Variants in ELP4 observed in about 807,000 individuals in gnomAD.
The protein encoded by ELP4 is elongator acetyltransferase complex subunit 4.
In ELP4, 51 loss-of-function variants were observed where a neutral mutation model predicts 48.9. The ratio of observed to expected loss-of-function variants is 1.04; its 90% CI spans 0.83 to 1.32. ELP4 has a LOEUF of 1.32. Among genes scored for constraint, ELP4 ranks in the 40% most tolerant of loss-of-function variants. The pLI is 0.00. For synonymous variants in ELP4, 210 were observed against 189.2 expected (o/e 1.11, Z -0.90); for missense variants, 519 against 514.6 (o/e 1.01, Z -0.08).
chr11:31,657,974 C>T (rs1478471426), intron 9 of ELP4, among the ~76,000 whole-genome samples: 1 of 151,948 alleles, frequency 6.6e-6, no homozygotes, highest in Non-Finnish European at 1.5e-5. Context: ...CTTCATTTTA[C>T]AAATGAGGAA....
intron 3 of ELP4, among the ~76,000 whole-genome samples, chr11:31,568,144 C>A (rs536599187): frequency 1.5e-4 from 23 of 152,174 alleles, no homozygotes; most frequent in Non-Finnish European, 3.2e-4. Context: ...AAATCAGTAG[C>A]ATTTCTATAC....
Position 31,533,368 on chromosome 11 carries a change from C to CTTTTTTTTTTTTTTTTTTT in ELP4, c.260-6285_260-6267dup, listed in dbSNP as rs71060492. ...GTGTTGCTGCAAAAGCCATCTCATT[C>CTTTTTTTTTTTTTTTTTTT]TTTTTTTTTTTTTTTTTTTTTTTTT... On this transcript the variant is annotated intron_variant, in intron 2 of 9. Coordinates refer to ENST00000640961, the MANE Select transcript of ELP4 (RefSeq NM_019040.5). Among the ~76,000 whole-genome samples the CTTTTTTTTTTTTTTTTTTT allele has an allele frequency of 5.5e-3, 277 of 50,486 alleles. 55 individuals are homozygous for CTTTTTTTTTTTTTTTTTTT. Among genetic ancestry groups the CTTTTTTTTTTTTTTTTTTT allele is most frequent in the Non-Finnish European group, 6.2e-3 (188 of 30,144 alleles). The allele number at this position is 50,486 out of a possible 152,430, so 33.1% of individuals were successfully genotyped here. A position where few individuals can be genotyped will look rare whatever the true frequency, so the allele number is the denominator to read the frequency against.
chr11:31,713,189 A>G (rs1638804363), intron 9 of ELP4, among the ~76,000 whole-genome samples: 2 of 152,252 alleles, frequency 1.3e-5, no homozygotes, highest in East Asian at 1.9e-4. Flanking sequence ...GAAATAATCA[A>G]TTTTCCGTAA....
chr11:31,739,056 G>A lies in ELP4; in HGVS notation c.1144-44337G>A, dbSNP rs139023026. Among the ~76,000 whole-genome samples, 857 of 152,128 alleles carry A rather than the reference G, an allele frequency of 5.6e-3. 10 individuals carry two copies. Among genetic ancestry groups the A allele is most frequent in the African/African-American group, 0.02 (826 of 41,510 alleles). ...GCACACCTAAAAAGTCATTAAGAGT[G>A]TAGATCTCATGTTATGTGTTTTTTA... On this transcript the variant is annotated intron_variant, in intron 9 of 9. Coordinates refer to ENST00000640961, the MANE Select transcript of ELP4 (RefSeq NM_019040.5).
Position 31,736,572 on chromosome 11 carries a change from A to G in ELP4, c.1144-46821A>G, listed in dbSNP as rs1042506234. On this transcript the variant is annotated intron_variant, in intron 9 of 9. Transcript: ENST00000640961. Reference sequence around the variant, plus strand: ...GAATGGGAGAAAATTTTTGCAACCTACTCATCTGACAAAGGGCTAATATAC... The same window carrying G: ...GAATGGGAGAAAATTTTTGCAACCTGCTCATCTGACAAAGGGCTAATATAC... Among the ~76,000 whole-genome samples the G allele has an allele frequency of 1.2e-4, 18 of 152,166 alleles. No individual in the cohort carries two copies. The South Asian group carries it at 1.9e-3, about 16-fold the overall frequency.
At chr11:31,637,077 A>G (rs908153968) in intron 7 of ELP4, among the ~76,000 whole-genome samples, 2 of 151,892 alleles carry the variant, frequency 1.3e-5, no homozygotes, top group Admixed American at 1.3e-4. Flanking sequence ...GTGTCATTAG[A>G]AGGAGCAGAA....
intron 9 of ELP4, chr11:31,654,549 T>A (rs1040032786): frequency 6.6e-6 from 1 of 151,830 alleles, no homozygotes; most frequent in African/African-American, 2.4e-5. Context: ...TAGAATAGAA[T>A]CAATATAAGT....
At chr11:31,581,527 C>T (rs904604330) in intron 3 of ELP4, among the ~76,000 whole-genome samples, 6 of 150,868 alleles carry the variant, frequency 4.0e-5, no homozygotes, top group Admixed American at 2.0e-4. Context: ...AGTTTGATGC[C>T]ATTCATGTTC....
intron 7 of ELP4, among the ~76,000 whole-genome samples, chr11:31,634,845 A>G (rs1156719497): frequency 3.3e-5 from 5 of 152,040 alleles, no homozygotes; most frequent in Admixed American, 6.6e-5. Context: ...ATAAAGTTAT[A>G]TAGTGTGACA....
At chr11:31,732,961 A>C (rs907944395) in intron 9 of ELP4, among the ~76,000 whole-genome samples, 2 of 152,204 alleles carry the variant, frequency 1.3e-5, no homozygotes, top group Admixed American at 6.5e-5. Context: ...ATGCAGCAAG[A>C]CAATAATAGT....
At chr11:31,751,820 C>A (rs1249058049) in intron 9 of ELP4, among the ~76,000 whole-genome samples, 2 of 152,146 alleles carry the variant, frequency 1.3e-5, no homozygotes, top group Non-Finnish European at 2.9e-5. Flanking sequence ...AGCTACTAAC[C>A]TAGAAGTCAT....
chr11:31,625,640 A>G (rs942017778), intron 5 of ELP4, among the ~76,000 whole-genome samples: 12 of 151,830 alleles, frequency 7.9e-5, no homozygotes, highest in Admixed American at 2.6e-4. Flanking sequence ...ATTAGAATGC[A>G]TTGGCTATAT....
chr11:31,561,598 C>T (rs1180689579), intron 3 of ELP4, among the ~76,000 whole-genome samples: 1 of 152,066 alleles, frequency 6.6e-6, no homozygotes, highest in Non-Finnish European at 1.5e-5. Context: ...CTCCCGCCGC[C>T]ACACCTGACT....
chr11:31,771,808 T>C (rs796120248), intron 9 of ELP4, among the ~76,000 whole-genome samples: 2 of 152,160 alleles, frequency 1.3e-5, no homozygotes, highest in African/African-American at 4.8e-5. Flanking sequence ...TGAAACCCTG[T>C]ATCTACTAAA....
chr11:31,533,368 C>CTTTTTTTTTTTTT (rs71060492), intron 2 of ELP4, among the ~76,000 whole-genome samples: 715 of 50,486 alleles, frequency 0.014, 149 homozygotes, highest in Non-Finnish European at 0.016. Flanking sequence ...CCATCTCATT[C>CTTTTTTTTTTTTT]TTTTTTTTTT....
At chr11:31,650,852 T>C (rs1945304431) in intron 9 of ELP4, 1 of 151,796 alleles carries the variant, frequency 6.6e-6, no homozygotes, top group Non-Finnish European at 1.5e-5. Flanking sequence ...TATTTATTAA[T>C]GAAGTAAATG....
At chr11:31,595,026 G>A in intron 4 of ELP4, 125 bp downstream of exon 4, 1 of 744,824 alleles carries the variant, frequency 1.3e-6, no homozygotes, top group Non-Finnish European at 2.0e-6. Context: ...CATTTGTAGA[G>A]TATTTGGTCA....
At chr11:31,603,499 C>A (rs1357586957) in intron 4 of ELP4, among the ~76,000 whole-genome samples, 8 of 150,868 alleles carry the variant, frequency 5.3e-5, no homozygotes, top group Admixed American at 2.6e-4. Flanking sequence ...TGAAAAAAAA[C>A]CAAAGAGGTT....
intron 9 of ELP4, chr11:31,662,945 C>T (rs1019945153): frequency 5.7e-6 from 1 of 176,754 alleles, no homozygotes; most frequent in Non-Finnish European, 1.2e-5. Flanking sequence ...GTGGAACTCA[C>T]TTTCTTAGGG....
Sources: allele counts gnomAD v4.1 joint callset (sites outside exome capture counted in the v4.1 genomes callset), GRCh38; gene constraint gnomAD v4.1.1; transcripts MANE v1.5; gene names NCBI Gene and HGNC (gene_info 2026-07-23, HGNC 2026-07-21).